Variants in TUSC3 observed in about 807,000 individuals in gnomAD.
The protein encoded by TUSC3 is dolichyl-diphosphooligosaccharide--protein glycosyltransferase subunit TUSC3.
TUSC3 carries 45 observed loss-of-function variants against 44.8 expected under a neutral mutation model. The ratio of observed to expected loss-of-function variants is 1.00; its 90% CI spans 0.79 to 1.29. The LOEUF (loss-of-function observed/expected upper bound fraction) is 1.29, where lower values mean the gene tolerates loss of function less well. Among genes scored for constraint, TUSC3 ranks in the 50% most tolerant of loss-of-function variants. TUSC3 has a pLI of 0.00. For synonymous variants in TUSC3, 212 were observed against 152.9 expected (o/e 1.39, Z -2.85); for missense variants, 519 against 437.9 (o/e 1.19, Z -1.65).
chr8:15,655,589 C>G (rs1365302903), intron 3 of TUSC3, among the ~76,000 whole-genome samples: 1 of 152,202 alleles, frequency 6.6e-6, no homozygotes, highest in East Asian at 1.9e-4. Flanking sequence ...GCACTTCCTT[C>G]TATTCCTGCT....
chr8:15,576,570 T>C (rs1406670201), intron 1 of TUSC3, among the ~76,000 whole-genome samples: 10 of 147,332 alleles, frequency 6.8e-5, no homozygotes, highest in Non-Finnish European at 1.5e-4. Context: ...TGATTGGTTT[T>C]TTGTTCTTGT....
chr8:15,758,039 C>A (rs1257607008), intron 10 of TUSC3, 184 bp downstream of exon 10: 11 of 1,395,550 alleles, frequency 7.9e-6, no homozygotes, highest in Non-Finnish European at 1.0e-5. Context: ...GGGAGAAGTC[C>A]TCAGATAAAA....
rs912679093 is a variant in TUSC3, at chr8:15,518,982, A to G, written n.189+35499A>G. ...AACTAAAATCGAATCAATATATTAA[A>G]TCTCTGTATGCAAATAAAACATGAA... On this transcript the variant is annotated intron_variant and non_coding_transcript_variant, in intron 2 of 5. Transcript: ENST00000503191. 2.0e-5 allele frequency among the ~76,000 whole-genome samples: 3 copies of G among 152,318 alleles called. No individual in the cohort carries two copies. The South Asian group carries it at 6.2e-4, about 32-fold the overall frequency.
chr8:15,817,650 G>A, the TUSC3 span, among the ~76,000 whole-genome samples: 1 of 152,116 alleles, frequency 6.6e-6, no homozygotes, highest in African/African-American at 2.4e-5. Context: ...AGAAGGACAT[G>A]TTTGCTTCCC....
At chr8:15,441,815 A>T (rs574287513) in intron 1 of TUSC3, among the ~76,000 whole-genome samples, 1 of 152,298 alleles carries the variant, frequency 6.6e-6, no homozygotes, top group Non-Finnish European at 1.5e-5. Context: ...AGGTGGGATG[A>T]TATAGAGCTT....
intron 2 of TUSC3, among the ~76,000 whole-genome samples, chr8:15,511,731 G>A (rs1347359053): frequency 2.6e-5 from 4 of 152,002 alleles, no homozygotes; most frequent in African/African-American, 4.8e-5. Context: ...TTAGCCGGGC[G>A]TGGTGGTGGG....
At chr8:15,818,790 T>A in the TUSC3 span, among the ~76,000 whole-genome samples, 1 of 152,242 alleles carries the variant, frequency 6.6e-6, no homozygotes, top group African/African-American at 2.4e-5. Flanking sequence ...TGAACTAGAT[T>A]GCTGCTGCCC....
At chr8:15,742,765 A>G (rs1811248794) in intron 7 of TUSC3, among the ~76,000 whole-genome samples, 1 of 152,234 alleles carries the variant, frequency 6.6e-6, no homozygotes, top group Non-Finnish European at 1.5e-5. Flanking sequence ...CGAAATACAT[A>G]TTTTCAGAAT....
intron 2 of TUSC3, among the ~76,000 whole-genome samples, chr8:15,523,119 A>G (rs1167064785): frequency 2.6e-5 from 4 of 152,194 alleles, no homozygotes; most frequent in African/African-American, 9.6e-5. Flanking sequence ...TGCCAGCATG[A>G]TGCCGTAGGA....
chr8:15,749,748 T>C (rs1156278620), intron 9 of TUSC3, among the ~76,000 whole-genome samples: 1 of 147,364 alleles, frequency 6.8e-6, no homozygotes, highest in African/African-American at 2.5e-5. Context: ...TTTTTTTTTC[T>C]TTTGCCCTGC....
chr8:15,469,722 A>T (rs1476308426), intron 1 of TUSC3, among the ~76,000 whole-genome samples: 1 of 152,244 alleles, frequency 6.6e-6, no homozygotes, highest in Non-Finnish European at 1.5e-5. Context: ...TGTATTCACA[A>T]TTTCCAATAC....
chr8:15,637,069 C>T (rs1220775555), intron 2 of TUSC3, among the ~76,000 whole-genome samples: 7 of 152,116 alleles, frequency 4.6e-5, no homozygotes, highest in Non-Finnish European at 7.4e-5. Flanking sequence ...TTGCCTTTTT[C>T]AGGCACACAA....
In TUSC3 at chr8:15,524,185, G is replaced by A. The variant is rs897419865; in HGVS notation, n.189+40702G>A. Among the ~76,000 whole-genome samples the A allele has an allele frequency of 3.3e-5, 5 of 151,902 alleles. No homozygotes were observed. In the East Asian group the frequency reaches 7.8e-4, roughly 24 times the overall value. ...ATATGTTAACGGTTGTGATCATACT[G>A]CATATTTTGTTGTGAATTCTTAAAA... is the stretch of plus-strand genomic sequence containing the variant. On this transcript the variant is annotated intron_variant and non_coding_transcript_variant, in intron 2 of 5. Coordinates refer to the TUSC3 transcript ENST00000503191.
intron 5 of TUSC3, among the ~76,000 whole-genome samples, chr8:15,669,955 A>G (rs1807869354): frequency 6.6e-6 from 1 of 151,802 alleles, no homozygotes; most frequent in South Asian, 2.1e-4. Flanking sequence ...AGGTTAATGA[A>G]TACATAGTAA....
intron 6 of TUSC3, among the ~76,000 whole-genome samples, chr8:15,696,911 C>G (rs980706776): frequency 1.3e-5 from 2 of 152,130 alleles, no homozygotes; most frequent in African/African-American, 2.4e-5. Context: ...TGCTGTGAAT[C>G]TAGCTGGTCC....
chr8:15,477,392 C>T (rs1473558423), intron 1 of TUSC3, among the ~76,000 whole-genome samples: 1 of 152,096 alleles, frequency 6.6e-6, no homozygotes, highest in African/African-American at 2.4e-5. Flanking sequence ...AATCAACTAA[C>T]TAGGATAATT....
At chr8:15,701,505 C>T (rs1171463140) in intron 6 of TUSC3, among the ~76,000 whole-genome samples, 9 of 151,936 alleles carry the variant, frequency 5.9e-5, no homozygotes, top group African/African-American at 1.5e-4. Flanking sequence ...ATTTTGTAGT[C>T]GATATAGTAG....
chr8:15,817,517 T>A, the TUSC3 span, among the ~76,000 whole-genome samples: 2 of 152,202 alleles, frequency 1.3e-5, no homozygotes, highest in East Asian at 3.9e-4. Flanking sequence ...GGGAGGTAAT[T>A]GAATCATGGG....
intron 1 of TUSC3, among the ~76,000 whole-genome samples, chr8:15,606,739 A>G (rs1355929595): frequency 1.3e-5 from 2 of 152,072 alleles, no homozygotes; most frequent in Admixed American, 1.3e-4. Flanking sequence ...ACTTTGTCTG[A>G]TTATTTCTTT....
Sources: gnomAD v4.1 joint callset for allele counts (sites outside exome capture counted in the v4.1 genomes callset) on GRCh38, gnomAD v4.1.1 for gene constraint, MANE v1.5 for transcripts, NCBI Gene and HGNC (gene_info 2026-07-23, HGNC 2026-07-21) for gene names.